The following DNAJC3 variants were observed in gnomAD, a reference collection of about 807,000 sequenced individuals.
DNAJC3 encodes DnaJ heat shock protein family (Hsp40) member C3, also known as dnaJ homolog subfamily C member 3.
DNAJC3 carries 38 observed loss-of-function variants against 68.6 expected under a neutral mutation model. That is an observed-to-expected ratio of 0.55 (90% CI 0.43 to 0.73). The LOEUF (loss-of-function observed/expected upper bound fraction) is 0.73, where lower values mean the gene tolerates loss of function less well. Ranked by LOEUF, DNAJC3 falls within the 30% of genes least tolerant of loss-of-function variation. DNAJC3 has a pLI of 0.00. For synonymous variants in DNAJC3, 203 were observed against 204.0 expected, an observed-to-expected ratio of 1.00 and a Z score of 0.04; for missense variants, 526 against 591.9, an observed-to-expected ratio of 0.89 and a Z score of 1.16.
At chr13:95,785,536 CA>C (rs2139697301) in intron 9 of DNAJC3, among the ~76,000 whole-genome samples, 1 of 136,092 alleles carries the variant, frequency 7.3e-6, no homozygotes, top group South Asian at 2.4e-4. Context: ...TCGGCCACTG[CA>C]AACCTCCGCC....
intron 2 of DNAJC3, among the ~76,000 whole-genome samples, chr13:95,718,364 C>A (rs1262559019): frequency 6.6e-6 from 1 of 152,154 alleles, no homozygotes; most frequent in Non-Finnish European, 1.5e-5. Flanking sequence ...AGATGAAGAA[C>A]CAGGGAAGGC....
intron 4 of DNAJC3, among the ~76,000 whole-genome samples, chr13:95,727,571 A>G (rs1285454665): frequency 2.0e-5 from 3 of 152,192 alleles, no homozygotes; most frequent in Non-Finnish European, 4.4e-5. Flanking sequence ...GTAGATTTTC[A>G]TGCAGTGGTA....
intron 9 of DNAJC3, among the ~76,000 whole-genome samples, chr13:95,773,085 C>A (rs1594021331): frequency 7.6e-6 from 1 of 131,648 alleles, no homozygotes; most frequent in Admixed American, 7.9e-5. Flanking sequence ...GTAAAACCAT[C>A]TTGGTCTTGG....
At chr13:95,778,167 C>A (rs1051533519) in intron 9 of DNAJC3, among the ~76,000 whole-genome samples, 4 of 152,010 alleles carry the variant, frequency 2.6e-5, no homozygotes, top group African/African-American at 9.7e-5. Context: ...TAGAAAAAAA[C>A]CCACAAAATT....
At chr13:95,751,574 G>A (rs983481266) in intron 4 of DNAJC3, among the ~76,000 whole-genome samples, 11 of 152,186 alleles carry the variant, frequency 7.2e-5, no homozygotes, top group African/African-American at 1.2e-4. Flanking sequence ...GAGGAAAGGC[G>A]ATTACTCCAG....
At chr13:95,779,426 A>G (rs1234378699) in intron 9 of DNAJC3, among the ~76,000 whole-genome samples, 2 of 152,134 alleles carry the variant, frequency 1.3e-5, no homozygotes, top group East Asian at 3.8e-4. Flanking sequence ...GCCCGGCCTA[A>G]TATTTTCAAT....
chr13:95,733,276 A>C (rs1050633100), intron 4 of DNAJC3, among the ~76,000 whole-genome samples: 1 of 152,152 alleles, frequency 6.6e-6, no homozygotes, highest in Admixed American at 6.5e-5. Context: ...CTTTCCTTTT[A>C]TATCTAATAA....
chr13:95,718,912 C>G (rs116187542), intron 2 of DNAJC3, among the ~76,000 whole-genome samples: 2,017 of 152,276 alleles, frequency 0.013, 45 homozygotes, highest in African/African-American at 0.047. Context: ...TCAGTTCTGA[C>G]ACTGTCTATC....
intron 9 of DNAJC3, among the ~76,000 whole-genome samples, chr13:95,770,904 G>A (rs1883139327): frequency 6.6e-6 from 1 of 152,114 alleles, no homozygotes; most frequent in African/African-American, 2.4e-5. Context: ...TATTTTCATT[G>A]TTTATATTAT....
At chr13:95,713,183 C>A (rs894343916) in intron 2 of DNAJC3, among the ~76,000 whole-genome samples, 1 of 152,008 alleles carries the variant, frequency 6.6e-6, no homozygotes, top group Non-Finnish European at 1.5e-5. Context: ...AGTGTGAGAA[C>A]GAACTAATAC....
In DNAJC3 at chr13:95,786,398, G is replaced by A. The variant is rs73554999; in HGVS notation, c.1208+327G>A. ...TTTTGGTGGGGATGGAGGAGGAGAC[G>A]GAATGAGTAAAGAAAAAGCCTTCTC... On this transcript the variant is annotated intron_variant, in intron 10 of 11. Transcript: ENST00000602402. Among the ~76,000 whole-genome samples, 1,375 of 152,184 alleles carry A rather than the reference G, an allele frequency of 9.0e-3. 19 individuals are homozygous for A. The highest frequency in any genetic ancestry group is 0.031 in the African/African-American group (1,298 of 41,508).
chr13:95,691,384 G>A (rs1045567079), intron 1 of DNAJC3, among the ~76,000 whole-genome samples: 3 of 151,430 alleles, frequency 2.0e-5, no homozygotes, highest in Non-Finnish European at 4.4e-5. Flanking sequence ...CAGACGGGGC[G>A]GCCGGGCAGA....
chr13:95,762,177 G>T lies in DNAJC3; in HGVS notation c.848+1379G>T, dbSNP rs17880258. On this transcript the variant is annotated intron_variant, in intron 7 of 11. Transcript: ENST00000602402. ...CTGCGGAGGCTGAGGTGGGAGAATC[G>T]CTTGAACCCGGGAAGTTGAGGTTGC... is the stretch of plus-strand genomic sequence containing the variant. 2.9e-3 allele frequency among the ~76,000 whole-genome samples: 445 copies of T among 152,210 alleles called. 1 individual carries two copies. The highest frequency in any genetic ancestry group is 0.01 in the African/African-American group (420 of 41,536).
intron 3 of DNAJC3, 81 bp from the exon 4 acceptor site, chr13:95,725,093 GTTTA>G (rs1296150704): frequency 1.2e-6 from 1 of 833,504 alleles, no homozygotes; most frequent in Middle Eastern, 3.2e-4. Context: ...TTAATAATTT[GTTTA>G]TTTAGTTTTA....
At chr13:95,687,450 A>G (rs940928461) in intron 1 of DNAJC3, among the ~76,000 whole-genome samples, 2 of 152,134 alleles carry the variant, frequency 1.3e-5, no homozygotes, top group Admixed American at 6.5e-5. Context: ...TCCTGTTCCA[A>G]TTCTTAGGGT....
At chr13:95,687,055 A>G (rs1002944738) in intron 1 of DNAJC3, among the ~76,000 whole-genome samples, 2 of 152,166 alleles carry the variant, frequency 1.3e-5, no homozygotes, top group Non-Finnish European at 2.9e-5. Flanking sequence ...TTGTTTCATA[A>G]GTGTTTTGTA....
rs544877875 is a variant in DNAJC3, at chr13:95,759,959, G to A, written c.547-81G>A. ...GAGAATGTTTTATGTTGATAAATAC[G>A]TAGATAAAAAATACGTGGAATGCAA... is the stretch of plus-strand genomic sequence containing the variant. On this transcript the variant is annotated intron_variant, in intron 5 of 11. Transcript: ENST00000602402. The A allele has an allele frequency of 4.6e-5, 61 of 1,336,680 alleles. No homozygotes were observed. In the South Asian group the frequency reaches 8.5e-4, roughly 19 times the overall value. The allele number at this position is 1,336,680 out of a possible 1,614,324, so 82.8% of individuals were successfully genotyped here.
intron 9 of DNAJC3, among the ~76,000 whole-genome samples, chr13:95,764,657 TATATATATATATATATATATATATATAC>T (rs1196779075): frequency 1.8e-5 from 2 of 113,396 alleles, no homozygotes; most frequent in Non-Finnish European, 3.4e-5. Flanking sequence ...TATATATATA[TATATATATATATATATATATATATATAC>T]ACACACACAC....
chr13:95,683,932 C>CAAAA (rs33918497), intron 1 of DNAJC3, among the ~76,000 whole-genome samples: 2 of 117,350 alleles, frequency 1.7e-5, no homozygotes, highest in African/African-American at 3.4e-5. Context: ...AACTCCATCT[C>CAAAA]AAAAAAAAAA....
Sources: gnomAD v4.1 joint callset for allele counts (sites outside exome capture counted in the v4.1 genomes callset) on GRCh38, gnomAD v4.1.1 for gene constraint, MANE v1.5 for transcripts, NCBI Gene and HGNC (gene_info 2026-07-23, HGNC 2026-07-21) for gene names.